The following FKBP5 variants were observed in gnomAD, a reference collection of about 807,000 sequenced individuals.
FKBP5 encodes FKBP prolyl isomerase 5.
Under a neutral mutation model 50.5 loss-of-function variants are expected in FKBP5, and 23 were observed. The observed-to-expected ratio is 0.46, with a 90% CI of 0.33 to 0.65. The LOEUF (loss-of-function observed/expected upper bound fraction) is 0.65. Ranked by LOEUF, FKBP5 falls within the 30% of genes least tolerant of loss-of-function variation. The pLI, the probability that FKBP5 is intolerant of heterozygous loss-of-function variation, is 0.02. For synonymous variants in FKBP5, 176 were observed against 190.6 expected (o/e 0.92, Z 0.63); for missense variants, 411 against 553.1 (o/e 0.74, Z 2.58).
intron 1 of FKBP5, among the ~76,000 whole-genome samples, chr6:35,721,799 T>A (rs746000007): frequency 6.6e-6 from 1 of 152,234 alleles, no homozygotes; most frequent in Non-Finnish European, 1.5e-5. Context: ...CAGTTGTGAT[T>A]TTGACCAAGA....
At chr6:35,581,586 C>G in intron 8 of FKBP5, 1 of 888,404 alleles carries the variant, frequency 1.1e-6, no homozygotes, top group South Asian at 5.3e-5. Flanking sequence ...CGAGACTCCT[C>G]AAAAACAAAA....
chr6:35,602,001 G>C (rs1026987152), intron 5 of FKBP5, among the ~76,000 whole-genome samples: 2 of 152,132 alleles, frequency 1.3e-5, no homozygotes, highest in Non-Finnish European at 2.9e-5. Flanking sequence ...CACATCAAGC[G>C]AGCTGCAAAA....
chr6:35,697,113 C>CA (rs1301130665), intron 2 of FKBP5, among the ~76,000 whole-genome samples: 1 of 152,152 alleles, frequency 6.6e-6, no homozygotes, highest in Non-Finnish European at 1.5e-5. Flanking sequence ...AGCAGGAACT[C>CA]AAACAGATAC....
At chr6:35,631,402 A>G (rs1034768639) in intron 3 of FKBP5, among the ~76,000 whole-genome samples, 3 of 152,210 alleles carry the variant, frequency 2.0e-5, no homozygotes, top group Non-Finnish European at 4.4e-5. Flanking sequence ...CAAGTTAGTG[A>G]CTGCCTGGGG....
At chr6:35,629,253 G>T (rs564162173) in intron 3 of FKBP5, among the ~76,000 whole-genome samples, 2 of 152,046 alleles carry the variant, frequency 1.3e-5, no homozygotes, top group African/African-American at 4.8e-5. Context: ...CTATAGGCGT[G>T]CACCACCACG....
chr6:35,611,271 CATCT>C (rs1763485883), intron 5 of FKBP5, among the ~76,000 whole-genome samples: 1 of 152,152 alleles, frequency 6.6e-6, no homozygotes, highest in African/African-American at 2.4e-5. Context: ...TTGTTCCCTC[CATCT>C]ATCATTTCAG....
At chr6:35,656,026 T>C (rs886333473) in intron 1 of FKBP5, among the ~76,000 whole-genome samples, 3 of 152,200 alleles carry the variant, frequency 2.0e-5, no homozygotes, top group Non-Finnish European at 4.4e-5. Context: ...GGAAGAGATG[T>C]TTCAGACTTG....
At chr6:35,679,063 A>G (rs543868369) in intron 1 of FKBP5, among the ~76,000 whole-genome samples, 1 of 152,340 alleles carries the variant, frequency 6.6e-6, no homozygotes, top group South Asian at 2.1e-4. Context: ...AACCTGAGCA[A>G]CAAGTAGGAC....
Position 35,575,782 on chromosome 6 carries a change from G to T in FKBP5, c.*53C>A. The stretch of plus-strand genomic sequence containing the variant: ...CTGTTCTGTCCTGAGTTGGGGGAAA[G>T]CCCATTGAGGAGGGGCCGAGTTCAC... On this transcript the variant is annotated 3_prime_UTR_variant, in exon 11 of 11. Coordinates refer to ENST00000357266, the MANE Select transcript of FKBP5 (RefSeq NM_004117.4). The T allele has an allele frequency of 1.8e-6, 2 of 1,122,954 alleles. No homozygotes were observed. The highest frequency in any genetic ancestry group is 1.4e-6 in the Non-Finnish European group (1 of 731,244). The allele number at this position is 1,122,954 out of a possible 1,614,324, so 69.6% of individuals were successfully genotyped here.
chr6:35,721,417 T>G (rs1049928765), intron 1 of FKBP5, among the ~76,000 whole-genome samples: 1 of 152,118 alleles, frequency 6.6e-6, no homozygotes, highest in East Asian at 1.9e-4. Flanking sequence ...TGAACTTGAT[T>G]TTTTTATTTA....
At chr6:35,604,672 A>G (rs936272754) in intron 5 of FKBP5, among the ~76,000 whole-genome samples, 3 of 152,162 alleles carry the variant, frequency 2.0e-5, no homozygotes, top group Admixed American at 2.0e-4. Context: ...ATAGCTAGAT[A>G]CTGTTGTTGT....
chr6:35,586,357 G>A (rs1762598352), intron 8 of FKBP5: 2 of 985,116 alleles, frequency 2.0e-6, no homozygotes, highest in South Asian at 4.7e-5. Flanking sequence ...AAGCAAGTGT[G>A]CAGGAATCAT....
At chr6:35,579,100 CTGGGCA>C (rs138060853) in intron 9 of FKBP5, among the ~76,000 whole-genome samples, 3,564 of 152,078 alleles carry the variant, frequency 0.023, 86 homozygotes, top group African/African-American at 0.056. Context: ...GCACCCCAGC[CTGGGCA>C]AAATAGCAAC....
intron 8 of FKBP5, chr6:35,583,575 G>A: frequency 1.0e-6 from 1 of 983,480 alleles, no homozygotes; most frequent in African/African-American, 1.7e-5. Flanking sequence ...ACTGGGGGGT[G>A]ATTTTGCCCC....
intron 2 of FKBP5, among the ~76,000 whole-genome samples, chr6:35,704,156 T>C (rs1197452652): frequency 1.3e-5 from 2 of 152,226 alleles, no homozygotes; most frequent in African/African-American, 2.4e-5. Flanking sequence ...TTTCACTAAA[T>C]AGTTGTGCAA....
At chr6:35,636,911 C>G in intron 3 of FKBP5, 103 bp downstream of exon 3, 1 of 1,132,130 alleles carries the variant, frequency 8.8e-7, no homozygotes, top group Non-Finnish European at 1.2e-6. Flanking sequence ...TACTACTACT[C>G]TAAAATTTCT....
chr6:35,716,992 T>C (rs934201585), intron 2 of FKBP5, among the ~76,000 whole-genome samples: 1 of 152,136 alleles, frequency 6.6e-6, no homozygotes, highest in African/African-American at 2.4e-5. Context: ...ACCAGCCTCG[T>C]GTTTACTGGT....
chr6:35,636,900 G>A, intron 3 of FKBP5, 114 bp downstream of exon 3: 1 of 926,680 alleles, frequency 1.1e-6, no homozygotes, highest in Non-Finnish European at 1.5e-6. Flanking sequence ...CATTCTTTGA[G>A]TACTACTACT....
Position 35,576,948 on chromosome 6 carries a change from T to C in FKBP5, c.1266+46A>G, listed in dbSNP as rs542669044. The C allele has an allele frequency of 1.2e-5, 20 of 1,600,536 alleles. No homozygotes were observed. In the East Asian group the frequency reaches 2.9e-4, roughly 23 times the overall value. ...CCTGTCCCCTAAAATCAAAGGGGCA[T>C]GGTCAGGCTCTTGATCCACCTGCAG... On this transcript the variant is annotated intron_variant, in intron 10 of 10. Transcript: ENST00000357266.
Sources: gnomAD v4.1 joint callset for allele counts (sites outside exome capture counted in the v4.1 genomes callset) on GRCh38, gnomAD v4.1.1 for gene constraint, MANE v1.5 for transcripts, NCBI Gene and HGNC (gene_info 2026-07-23, HGNC 2026-07-21) for gene names.